ERG: variants seen among roughly 807,000 people sequenced by gnomAD.
ERG encodes the protein transcriptional regulator ERG.
ERG carries 9 observed loss-of-function variants against 55.3 expected under a neutral mutation model. The observed-to-expected ratio is 0.16, with a 90% confidence interval of 0.10 to 0.28. The LOEUF (loss-of-function observed/expected upper bound fraction) is 0.28, where lower values mean the gene tolerates loss of function less well. Ranked by LOEUF, ERG falls within the 10% of genes least tolerant of loss-of-function variation. The pLI is 1.00. For synonymous variants in ERG, 223 were observed against 237.3 expected, an observed-to-expected ratio of 0.94 and a Z score of 0.55; for missense variants, 434 against 631.6, an observed-to-expected ratio of 0.69 and a Z score of 3.35.
intron 2 of ERG, among the ~76,000 whole-genome samples, chr21:38,507,218 T>C (rs2059469036): frequency 1.3e-5 from 2 of 152,302 alleles, no homozygotes. Flanking sequence ...AGGGGTCCAC[T>C]GGCGCGCGCT....
At chr21:38,522,599 T>TA (rs796678194) in intron 2 of ERG, among the ~76,000 whole-genome samples, 5 of 152,346 alleles carry the variant, frequency 3.3e-5, no homozygotes, top group African/African-American at 1.2e-4. Context: ...TTAATCAACT[T>TA]ACAGTGTAGT....
rs71184622 is a variant in ERG at position 38,418,270 on chromosome 21, A to AGTGTGTGTGTGTGTGTGTGT, written c.388+5120_388+5139dup. On this transcript the variant is annotated intron_variant, in intron 3 of 9. Transcript: ENST00000288319. ...CACACCCAGGTTTGGAACATTTGGA[A>AGTGTGTGTGTGTGTGTGTGT]GTGTGTGTGTGTGTGTGTGTGTGTG... Among the ~76,000 whole-genome samples, 23 of 130,434 alleles carry AGTGTGTGTGTGTGTGTGTGT rather than the reference A, an allele frequency of 1.8e-4. 1 individual carries two copies. Among genetic ancestry groups the AGTGTGTGTGTGTGTGTGTGT allele is most frequent in the African/African-American group, 4.5e-4 (17 of 37,676 alleles). The allele number at this position is 130,434 out of a possible 152,430, so 85.6% of individuals were successfully genotyped here. A position where few individuals can be genotyped will look rare whatever the true frequency, so the allele number is the denominator to read the frequency against.
At chr21:38,532,637 G>A (rs2059681008) in intron 2 of ERG, among the ~76,000 whole-genome samples, 1 of 152,134 alleles carries the variant, frequency 6.6e-6, no homozygotes, top group Admixed American at 6.5e-5. Flanking sequence ...GTCTGGATGT[G>A]TTCAAGGTAA....
At chr21:38,421,075 T>A (rs142643544) in intron 3 of ERG, among the ~76,000 whole-genome samples, 1 of 152,180 alleles carries the variant, frequency 6.6e-6, no homozygotes, top group Non-Finnish European at 1.5e-5. Flanking sequence ...GTTTTTCTTA[T>A]GTGCCACACA....
At chr21:38,415,631 C>T (rs1989243924) in intron 3 of ERG, among the ~76,000 whole-genome samples, 1 of 152,076 alleles carries the variant, frequency 6.6e-6, no homozygotes, top group Non-Finnish European at 1.5e-5. Flanking sequence ...GATGAAGACA[C>T]AAGTCATTTC....
At chr21:38,653,096 ACT>A (rs1289615259) in intron 1 of ERG, among the ~76,000 whole-genome samples, 1 of 151,604 alleles carries the variant, frequency 6.6e-6, no homozygotes, top group Admixed American at 6.6e-5. Context: ...TCCTTTCTAG[ACT>A]CTGTGGTGTG....
rs574207119 is a variant in ERG, at chr21:38,559,383, CTTTTT to C, written c.-41+16274_-41+16278del. Among the ~76,000 whole-genome samples the C allele has an allele frequency of 1.0e-3, 96 of 92,064 alleles. 1 individual carries two copies. Among genetic ancestry groups the C allele is most frequent in the African/African-American group, 4.0e-3 (83 of 20,866 alleles). 60.4% of individuals were successfully genotyped at this position (92,064 alleles called of 152,430 possible). On this transcript the variant is annotated intron_variant, in intron 2 of 8. Transcript: ENST00000398897. ...ATCCTTCTCCATGGATCCCATTTCC[CTTTTT>C]TTTTTTTTTTTTTTTTTTGAGATGG...
intron 1 of ERG, among the ~76,000 whole-genome samples, chr21:38,493,732 C>T (rs1200288354): frequency 4.6e-5 from 7 of 152,120 alleles, no homozygotes; most frequent in African/African-American, 9.7e-5. Context: ...GACCCCTGGA[C>T]GCTCCACCTG....
At chr21:38,392,293 C>A in intron 7 of ERG, 83 bp downstream of exon 7, 1 of 1,195,546 alleles carries the variant, frequency 8.4e-7, no homozygotes, top group Non-Finnish European at 1.2e-6. Context: ...CACAGATTAA[C>A]CACAGAAATT....
chr21:38,629,217 T>G (rs459421), intron 1 of ERG, among the ~76,000 whole-genome samples: 151,078 of 152,252 alleles, frequency 0.99, 74,959 homozygotes, highest in East Asian at 1. Context: ...CCCTGGTTCT[T>G]TCTCCAGGGA....
At chr21:38,534,631 A>G (rs778353326) in intron 2 of ERG, among the ~76,000 whole-genome samples, 12 of 152,218 alleles carry the variant, frequency 7.9e-5, no homozygotes, top group Non-Finnish European at 1.5e-4. Flanking sequence ...GGAATATCAA[A>G]TGATACAGCC....
intron 1 of ERG, among the ~76,000 whole-genome samples, chr21:38,648,823 C>T (rs1006350172): frequency 6.6e-6 from 1 of 152,190 alleles, no homozygotes; most frequent in Non-Finnish European, 1.5e-5. Context: ...TCATTGGACT[C>T]GCTGGCTTGT....
At chr21:38,647,809 CA>C (rs1210052444) in intron 1 of ERG, among the ~76,000 whole-genome samples, 5 of 152,044 alleles carry the variant, frequency 3.3e-5, no homozygotes, top group Admixed American at 2.6e-4. Context: ...TAACAAGTCA[CA>C]TACACGTCAC....
intron 2 of ERG, chr21:38,575,599 T>A (rs1009906690): frequency 6.7e-6 from 8 of 1,186,382 alleles, no homozygotes; most frequent in African/African-American, 3.0e-5. Context: ...TGTGGGCTGC[T>A]ATCCATGAAA....
intron 2 of ERG, among the ~76,000 whole-genome samples, chr21:38,543,394 G>C (rs770443942): frequency 1.6e-4 from 23 of 147,858 alleles, no homozygotes; most frequent in Non-Finnish European, 2.8e-4. Context: ...TGTAATTTTA[G>C]CAGAGGTTAT....
chr21:38,579,528 C>T (rs1291779745), intron 1 of ERG, among the ~76,000 whole-genome samples: 2 of 152,076 alleles, frequency 1.3e-5, no homozygotes, highest in South Asian at 4.2e-4. Flanking sequence ...CAAGAGGGTG[C>T]CACCAAGGAG....
intron 2 of ERG, among the ~76,000 whole-genome samples, chr21:38,552,891 G>A (rs909039826): frequency 6.6e-5 from 10 of 151,626 alleles, no homozygotes; most frequent in African/African-American, 1.9e-4. Flanking sequence ...GGGAAGAGAG[G>A]AAGTCAAACT....
the ERG span, among the ~76,000 whole-genome samples, chr21:38,368,672 C>A: frequency 6.6e-6 from 1 of 152,006 alleles, no homozygotes; most frequent in Non-Finnish European, 1.5e-5. Context: ...CATAGATAAA[C>A]TTGTGTCATG....
At chr21:38,426,930 C>A (rs368255194) in intron 2 of ERG, among the ~76,000 whole-genome samples, 7 of 147,800 alleles carry the variant, frequency 4.7e-5, no homozygotes, top group Admixed American at 6.7e-5. Context: ...GACTCCATGT[C>A]AAAAAAAAAA....
Sources: gnomAD v4.1 joint callset for allele counts (sites outside exome capture counted in the v4.1 genomes callset) on GRCh38, gnomAD v4.1.1 for gene constraint, MANE v1.5 for transcripts, NCBI Gene and HGNC (gene_info 2026-07-23, HGNC 2026-07-21) for gene names.